KIF21B: variants seen among roughly 807,000 people sequenced by gnomAD.
KIF21B encodes kinesin family member 21B.
KIF21B carries 85 observed loss-of-function variants against 192.9 expected under a neutral mutation model. That is an observed-to-expected ratio of 0.44 (90% confidence interval 0.37 to 0.53). The LOEUF is 0.53. Ranked by LOEUF, KIF21B falls within the 20% of genes least tolerant of loss-of-function variation. KIF21B has a pLI of 0.00. For missense variants in KIF21B, 1,716 were observed against 2,194.8 expected, an observed-to-expected ratio of 0.78 and a Z score of 4.36; for synonymous variants, 832 against 884.6, an observed-to-expected ratio of 0.94 and a Z score of 1.05.
intron 27 of KIF21B, among the ~76,000 whole-genome samples, chr1:200,984,486 G>C (rs1392981874): frequency 6.6e-6 from 1 of 152,166 alleles, no homozygotes; most frequent in Non-Finnish European, 1.5e-5. Flanking sequence ...GAGTGGAGTG[G>C]TTGAAGCTGA....
chr1:200,974,916 G>C lies in KIF21B; in HGVS notation c.4615-3C>G, dbSNP rs200282109. ...TCCTTGTGCGCATTGGGGATTTGCT[G>C]TGAGAGGATCAGGGCTGGTGAGGGC... On this transcript the variant is annotated splice_region_variant and splice_polypyrimidine_tract_variant and intron_variant, in intron 33 of 34. Transcript: ENST00000461742. 6.2e-7 allele frequency: 1 copy of C among 1,613,262 alleles called. No individual in the cohort carries two copies. The highest frequency in any genetic ancestry group is 1.3e-5 in the African/African-American group (1 of 74,920).
In KIF21B at chr1:200,985,008, C is replaced by T. The variant is rs1168216204; in HGVS notation, c.3690-36G>A. On this transcript the variant is annotated intron_variant, in intron 26 of 34. Coordinates refer to ENST00000461742, the MANE Select transcript of KIF21B (RefSeq NM_001252102.2). The stretch of plus-strand genomic sequence containing the variant: ...GGGACAGAGGGCAGCCTGTTAGTGA[C>T]CACCCCTGCCCACAGGCCCCTACTT... The T allele has an allele frequency of 1.1e-5, 16 of 1,454,966 alleles. No homozygotes were observed. In the South Asian group the frequency reaches 1.6e-4, roughly 14 times the overall value. 90.1% of individuals were successfully genotyped at this position (1,454,966 alleles called of 1,614,324 possible).
chr1:200,993,630 G>GTCCC (rs1656853276), intron 15 of KIF21B, among the ~76,000 whole-genome samples: 1 of 152,042 alleles, frequency 6.6e-6, no homozygotes, highest in Non-Finnish European at 1.5e-5. Context: ...TGTGCCCATA[G>GTCCC]TCCCACCTAC....
At chr1:201,019,917 A>ACAGT (rs1394130740) in intron 1 of KIF21B, among the ~76,000 whole-genome samples, 1 of 152,140 alleles carries the variant, frequency 6.6e-6, no homozygotes, top group Non-Finnish European at 1.5e-5. Context: ...CAAAATTCAG[A>ACAGT]CAGTCATTGA....
intron 31 of KIF21B, 97 bp from the exon 32 acceptor site, chr1:200,976,990 G>A: frequency 2.0e-6 from 2 of 1,006,838 alleles, no homozygotes; most frequent in Non-Finnish European, 3.0e-6. Flanking sequence ...CCTGGTCAGG[G>A]TACTCACCCT....
chr1:200,987,975 G>A (rs1405818084), intron 24 of KIF21B, among the ~76,000 whole-genome samples: 1 of 152,222 alleles, frequency 6.6e-6, no homozygotes, highest in Non-Finnish European at 1.5e-5. Flanking sequence ...GTGTGAGGCA[G>A]AATCATGGGT....
In KIF21B at chr1:201,009,309, C is replaced by G. The variant is rs757523921; in HGVS notation, c.221G>C (p.Gly74Ala). Reference sequence around the variant, plus strand: ...CGTGGCATTATAGCCCTCGAAGCAGCCCTCGATGAGCTTGCTCACACAGGT... The same window carrying G: ...CGTGGCATTATAGCCCTCGAAGCAGGCCTCGATGAGCTTGCTCACACAGGT... ...YSTCVSKLIE[G>A]CFEGYNATVL... The change falls in exon 2 of 35, where the codon GGC (glycine) becomes GCC (alanine). Residue 74 changes from glycine (G) to alanine (A), a missense_variant. By Grantham distance (60) the Gly-to-Ala change is moderately conservative. Coordinates refer to ENST00000461742, the MANE Select transcript of KIF21B (RefSeq NM_001252102.2). The G allele has an allele frequency of 1.2e-6, 2 of 1,614,264 alleles. No homozygotes were observed. Among genetic ancestry groups the G allele is most frequent in the East Asian group, 4.5e-5 (2 of 44,896 alleles).
chr1:200,981,248 G>T, intron 28 of KIF21B, 152 bp from the exon 29 acceptor site: 1 of 752,128 alleles, frequency 1.3e-6, no homozygotes, highest in Non-Finnish European at 2.0e-6. Flanking sequence ...ATTCCACCAA[G>T]GTCTGAGAGC....
chr1:200,973,499 G>T lies in KIF21B; in HGVS notation c.*22C>A. 1 of 1,439,388 alleles carries T rather than the reference G, an allele frequency of 6.9e-7. No homozygotes were observed. Among genetic ancestry groups the T allele is most frequent in the Non-Finnish European group, 9.0e-7 (1 of 1,106,104 alleles). The allele number at this position is 1,439,388 out of a possible 1,614,324, so 89.2% of individuals were successfully genotyped here. A position where few individuals can be genotyped will look rare whatever the true frequency, so the allele number is the denominator to read the frequency against. On this transcript the variant is annotated 3_prime_UTR_variant, in exon 35 of 35. Transcript: ENST00000461742. ...CAGGCTGCTGGGGTCGAGGGTCCGG[G>T]GGCATCCCTCTGACCTCACTCCTAG...
At chr1:201,014,583 G>C (rs968188559) in intron 1 of KIF21B, among the ~76,000 whole-genome samples, 1 of 152,202 alleles carries the variant, frequency 6.6e-6, no homozygotes, top group Non-Finnish European at 1.5e-5. Flanking sequence ...GGCCCTAGCC[G>C]GGCCTCATCC....
At position 200,988,761 on chromosome 1, in the gene KIF21B, C is replaced by T. The variant is rs561225858; in HGVS notation, c.3298+5G>A. ...CTGGCAGCTTCCAACCGCCCCTACC[C>T]GTACCCTGCTGCACATTGTAGATGA... On this transcript the variant is annotated splice_donor_5th_base_variant and intron_variant, in intron 22 of 34. Coordinates refer to ENST00000461742, the MANE Select transcript of KIF21B (RefSeq NM_001252102.2). 13 of 1,608,444 alleles carry T rather than the reference C, an allele frequency of 8.1e-6. No individual in the cohort carries two copies. In the East Asian group the frequency reaches 1.1e-4, roughly 14 times the overall value.
intron 24 of KIF21B, 110 bp downstream of exon 24, chr1:200,988,186 G>C (rs1656427580): frequency 8.9e-7 from 1 of 1,118,154 alleles, no homozygotes; most frequent in East Asian, 2.3e-5. Flanking sequence ...CCCAGCTGGG[G>C]ACAACATTGT....
intron 22 of KIF21B, 56 bp downstream of exon 22, chr1:200,988,710 C>A (rs367730458): frequency 1.3e-6 from 2 of 1,566,558 alleles, no homozygotes; most frequent in East Asian, 4.5e-5. Context: ...GGGGTCTGAG[C>A]CCAAGAGCAC....
chr1:200,988,283 CG>C lies in KIF21B; in HGVS notation c.3408+12del, dbSNP rs1558005843. ...CCTGCTGCACCCACTGCCTGACTTC[CG>C]GCGGGGCTCACCTTGAACTTGAAAT... On this transcript the variant is annotated intron_variant, in intron 24 of 34. Coordinates refer to ENST00000461742, the MANE Select transcript of KIF21B (RefSeq NM_001252102.2). 6.2e-7 allele frequency: 1 copy of C among 1,613,132 alleles called. No individual in the cohort carries two copies. The highest frequency in any genetic ancestry group is 1.3e-5 in the African/African-American group (1 of 74,900).
intron 14 of KIF21B, among the ~76,000 whole-genome samples, chr1:200,996,750 G>A (rs997189581): frequency 1.3e-5 from 2 of 152,142 alleles, no homozygotes; most frequent in Non-Finnish European, 2.9e-5. Context: ...TGTGGGAAGG[G>A]GAAGAGTTTG....
At chr1:200,996,648 CT>C (rs963107255) in intron 14 of KIF21B, among the ~76,000 whole-genome samples, 12 of 152,180 alleles carry the variant, frequency 7.9e-5, no homozygotes, top group African/African-American at 2.7e-4. Flanking sequence ...CTCTGAACCC[CT>C]GGTCCCCAAC....
chr1:201,015,370 A>G lies in KIF21B; in HGVS notation c.42-5882T>C, dbSNP rs558843743. Among the ~76,000 whole-genome samples the G allele has an allele frequency of 4.6e-5, 7 of 152,328 alleles. No individual in the cohort carries two copies. The South Asian group carries it at 1.5e-3, about 32-fold the overall frequency. ...TAGAATCGCCTTTCAGATGGCCAAAATGTTAGTCCCTTCAGAAAAAGCCCC... is the reference window on the plus strand; with the variant it reads ...TAGAATCGCCTTTCAGATGGCCAAAGTGTTAGTCCCTTCAGAAAAAGCCCC... On this transcript the variant is annotated intron_variant, in intron 1 of 34. Transcript: ENST00000461742.
chr1:200,997,234 C>T (rs1459583790), intron 14 of KIF21B, among the ~76,000 whole-genome samples: 2 of 152,322 alleles, frequency 1.3e-5, no homozygotes, highest in South Asian at 2.1e-4. Context: ...AATGTCCTTA[C>T]AATGACATTT....
At chr1:200,978,650 T>C (rs1655720577) in intron 30 of KIF21B, among the ~76,000 whole-genome samples, 1 of 152,226 alleles carries the variant, frequency 6.6e-6, no homozygotes, top group African/African-American at 2.4e-5. Flanking sequence ...TCATACAGAA[T>C]AATTTTACTG....
Sources: gnomAD v4.1 joint callset for allele counts (sites outside exome capture counted in the v4.1 genomes callset) on GRCh38, gnomAD v4.1.1 for gene constraint, MANE v1.5 for transcripts, NCBI Gene and HGNC (gene_info 2026-07-23, HGNC 2026-07-21) for gene names.